MPND: variants seen among roughly 807,000 people sequenced by gnomAD.
The protein encoded by MPND is MPN domain-containing protein.
MPND carries 56 observed loss-of-function variants against 59.2 expected under a neutral mutation model. That is an observed-to-expected ratio of 0.95 (90% CI 0.76 to 1.18). The LOEUF is 1.18. Ranked by LOEUF, MPND falls within the 50% of genes most tolerant of loss-of-function variation. The pLI, the probability that MPND is intolerant of heterozygous loss-of-function variation, is 0.00. For synonymous variants in MPND, 323 were observed against 291.9 expected (o/e 1.11, Z -1.09); for missense variants, 671 against 676.0 (o/e 0.99, Z 0.08).
intron 2 of MPND, among the ~76,000 whole-genome samples, chr19:4,345,156 C>T (rs187586077): frequency 2.2e-3 from 325 of 147,828 alleles, no homozygotes; most frequent in African/African-American, 7.8e-3. Context: ...AAGCAATTCT[C>T]CTGCCTTAGC....
At chr19:4,350,438 G>A (rs1214162913) in intron 3 of MPND, among the ~76,000 whole-genome samples, 1 of 152,134 alleles carries the variant, frequency 6.6e-6, no homozygotes, top group Non-Finnish European at 1.5e-5. Flanking sequence ...TGGCTGCTGT[G>A]GGGACTAGAC....
In MPND at chr19:4,355,167, A is replaced by G; in HGVS notation, c.990A>G (p.Glu330=). The G allele has an allele frequency of 6.2e-7, 1 of 1,612,742 alleles. No individual in the cohort carries two copies. Among genetic ancestry groups the G allele is most frequent in the Non-Finnish European group, 8.5e-7 (1 of 1,179,928 alleles). The part of the protein sequence containing the change: ...LGDAETAAAI[E]EEIYQSLFLR... ...ACGCAGAGACTGCAGCTGCCATCGA[A>G]GAGGAGGTGAGGGGCTACCTGGGAG... The change falls in exon 8 of 13, where the codon GAA becomes GAG. Residue 330 remains glutamate (E), a synonymous_variant. Coordinates refer to ENST00000599840, the MANE Select transcript of MPND (RefSeq NM_001300862.2).
At chr19:4,353,223 G>A (rs1015557062) in intron 4 of MPND, among the ~76,000 whole-genome samples, 194 bp downstream of exon 4, 2 of 152,122 alleles carry the variant, frequency 1.3e-5, no homozygotes, top group African/African-American at 2.4e-5. Context: ...TTTACTCACT[G>A]CCTTGACTTC....
At chr19:4,358,701 C>G (rs976366393) in intron 11 of MPND, among the ~76,000 whole-genome samples, 1 of 152,268 alleles carries the variant, frequency 6.6e-6, no homozygotes, top group South Asian at 2.1e-4. Flanking sequence ...GCAGGACAAG[C>G]TCTTGAACCC....
intron 1 of MPND, 45 bp from the exon 2 acceptor site, chr19:4,343,663 A>AGG: frequency 1.1e-5 from 8 of 731,530 alleles, no homozygotes; most frequent in Non-Finnish European, 1.0e-5. Context: ...GGGGCTGCAG[A>AGG]GCCGTGGGGC....
intron 4 of MPND, 152 bp downstream of exon 4, chr19:4,353,181 G>C (rs1164852385): frequency 1.9e-6 from 1 of 513,708 alleles, no homozygotes. Context: ...AGCCGGACGA[G>C]GCCTGGGCTG....
intron 3 of MPND, among the ~76,000 whole-genome samples, chr19:4,351,561 C>A (rs1381780003): frequency 6.6e-6 from 1 of 152,070 alleles, no homozygotes; most frequent in Non-Finnish European, 1.5e-5. Context: ...TGCCCTTTTA[C>A]AGATAAGAAT....
chr19:4,345,289 C>T (rs1007204088), intron 2 of MPND, among the ~76,000 whole-genome samples: 7 of 152,014 alleles, frequency 4.6e-5, no homozygotes, highest in Non-Finnish European at 7.4e-5. Context: ...TCAGGTGATC[C>T]GCCCGCCTCA....
intron 10 of MPND, 77 bp downstream of exon 10, chr19:4,357,662 T>C (rs1039976674): frequency 6.4e-6 from 9 of 1,415,834 alleles, no homozygotes; most frequent in South Asian, 2.6e-5. Flanking sequence ...CAGGGGCCCC[T>C]GGTTCCAGGC....
chr19:4,344,059 T>A, intron 2 of MPND, 65 bp downstream of exon 2: 1 of 1,142,888 alleles, frequency 8.7e-7, no homozygotes. Flanking sequence ...AGGCCTGGAG[T>A]TCCCTTGCTG....
Position 4,355,176 on chromosome 19 carries a change from G to T in MPND, c.996+3G>T. 1 of 1,612,726 alleles carries T rather than the reference G, an allele frequency of 6.2e-7. No homozygotes were observed. Among genetic ancestry groups the T allele is most frequent in the Non-Finnish European group, 8.5e-7 (1 of 1,179,978 alleles). Reference sequence around the variant, plus strand: ...CTGCAGCTGCCATCGAAGAGGAGGTGAGGGGCTACCTGGGAGGTGGCATTC... The same window carrying T: ...CTGCAGCTGCCATCGAAGAGGAGGTTAGGGGCTACCTGGGAGGTGGCATTC... On this transcript the variant is annotated splice_donor_region_variant and intron_variant, in intron 8 of 12. Coordinates refer to ENST00000599840, the MANE Select transcript of MPND (RefSeq NM_001300862.2).
At position 4,343,724 on chromosome 19, in the gene MPND, C is replaced by A; in HGVS notation, c.24C>A (p.Ser8=). Residue 8 remains serine (S), a synonymous_variant, in exon 2 of 13, where the codon TCC becomes TCA. Transcript: ENST00000599840. MAAPEPL[S]PAGGAGEEAP... Reference sequence around the variant, plus strand: ...TGTCCGCAGCTCCGGAGCCGCTGTCCCCGGCGGGCGGTGCGGGCGAGGAGG... The same window carrying A: ...TGTCCGCAGCTCCGGAGCCGCTGTCACCGGCGGGCGGTGCGGGCGAGGAGG... The A allele has an allele frequency of 8.3e-7, 1 of 1,205,184 alleles. No homozygotes were observed. The highest frequency in any genetic ancestry group is 1.0e-6 in the Non-Finnish European group (1 of 970,872). 74.7% of individuals were successfully genotyped at this position (1,205,184 alleles called of 1,614,324 possible). A position where few individuals can be genotyped will look rare whatever the true frequency, so the allele number is the denominator to read the frequency against.
intron 3 of MPND, among the ~76,000 whole-genome samples, chr19:4,351,861 CA>C (rs1217874445): frequency 1.3e-3 from 66 of 51,412 alleles, no homozygotes; most frequent in South Asian, 9.6e-3. Context: ...GACTCTGTCT[CA>C]AAAAAAAAAA....
At chr19:4,352,768 C>T in intron 3 of MPND, 129 bp from the exon 4 acceptor site, 1 of 887,670 alleles carries the variant, frequency 1.1e-6, no homozygotes. Flanking sequence ...CTCCCTCCCT[C>T]CCTCTAGTGG....
At position 4,344,799 on chromosome 19, in the gene MPND, C is replaced by T. The variant is rs577888956; in HGVS notation, c.294+805C>T. Among the ~76,000 whole-genome samples the T allele has an allele frequency of 5.8e-3, 819 of 142,366 alleles. 6 individuals are homozygous for T. Among genetic ancestry groups the T allele is most frequent in the African/African-American group, 0.021 (792 of 37,528 alleles). 93.4% of individuals were successfully genotyped at this position (142,366 alleles called of 152,430 possible). A position where few individuals can be genotyped will look rare whatever the true frequency, so the allele number is the denominator to read the frequency against. On this transcript the variant is annotated intron_variant, in intron 2 of 12. Transcript: ENST00000599840. ...TTTTGCCCAGGCTGGAATGCAGTTGCTCGATCTCGGCTCACTGCAACCTCT... is the reference window on the plus strand; with the variant it reads ...TTTTGCCCAGGCTGGAATGCAGTTGTTCGATCTCGGCTCACTGCAACCTCT...
At chr19:4,352,347 A>G (rs1041527970) in intron 3 of MPND, among the ~76,000 whole-genome samples, 3 of 152,206 alleles carry the variant, frequency 2.0e-5, no homozygotes, top group African/African-American at 7.2e-5. Context: ...CTAGGCATAA[A>G]TGGCAATGGT....
chr19:4,359,293 C>A (rs1972522897), intron 12 of MPND, 38 bp downstream of exon 12: 1 of 1,478,964 alleles, frequency 6.8e-7, no homozygotes, highest in Admixed American at 1.7e-5. Flanking sequence ...TAACGGGGCC[C>A]CAGGAGAGGC....
At chr19:4,344,079 C>A in intron 2 of MPND, 85 bp downstream of exon 2, 1 of 1,043,324 alleles carries the variant, frequency 9.6e-7, no homozygotes, top group Non-Finnish European at 1.2e-6. Flanking sequence ...GCAGGACAAG[C>A]TTCAGTGTAG....
Position 4,354,031 on chromosome 19 carries a change from T to A in MPND, c.665-14T>A. Reference sequence around the variant, plus strand: ...GGGCTGGGGAGGGACTGACCCTGCCTTTTTCTCTCCCAGAGGCCACAACCC... The same window carrying A: ...GGGCTGGGGAGGGACTGACCCTGCCATTTTCTCTCCCAGAGGCCACAACCC... On this transcript the variant is annotated splice_polypyrimidine_tract_variant and intron_variant, in intron 4 of 12. Coordinates refer to ENST00000599840, the MANE Select transcript of MPND (RefSeq NM_001300862.2). 2 of 1,607,754 alleles carry A rather than the reference T, an allele frequency of 1.2e-6. No homozygotes were observed. The highest frequency in any genetic ancestry group is 1.7e-6 in the Non-Finnish European group (2 of 1,174,928).
Sources: gnomAD v4.1 joint callset for allele counts (sites outside exome capture counted in the v4.1 genomes callset) on GRCh38, gnomAD v4.1.1 for gene constraint, MANE v1.5 for transcripts, NCBI Gene and HGNC (gene_info 2026-07-23, HGNC 2026-07-21) for gene names.